Variants in ADGRL3 observed in about 807,000 individuals in gnomAD.
ADGRL3 encodes adhesion G protein-coupled receptor L3, also known as calcium-independent alpha-latrotoxin receptor 3.
In ADGRL3, 62 loss-of-function variants were observed where a neutral mutation model predicts 153.5. The ratio of observed to expected loss-of-function variants is 0.40; its 90% CI spans 0.33 to 0.50. ADGRL3 has a LOEUF of 0.50. Ranked by LOEUF, ADGRL3 falls within the 20% of genes least tolerant of loss-of-function variation. The pLI is 0.47. For synonymous variants in ADGRL3, 710 were observed against 672.5 expected (o/e 1.06, Z -0.86); for missense variants, 1,641 against 1,859.4 (o/e 0.88, Z 2.16).
rs936698992 is a variant in ADGRL3 at position 61,983,728 on chromosome 4, T to C, written c.3236+125T>C. ...TGGGCAGCAAATGTGTATAATTCAA[T>C]CCATGGTTATACTTTGGTTATGATG... On this transcript the variant is annotated intron_variant, in intron 19 of 26. Transcript: ENST00000683033. 9.0e-6 allele frequency: 7 copies of C among 778,860 alleles called. No homozygotes were observed. The African/African-American group carries it at 1.0e-4, about 12-fold the overall frequency. The allele number at this position is 778,860 out of a possible 1,614,324, so 48.2% of individuals were successfully genotyped here.
At chr4:61,775,222 CTT>C (rs200429980) in intron 8 of ADGRL3, among the ~76,000 whole-genome samples, 66 of 138,960 alleles carry the variant, frequency 4.7e-4, no homozygotes, top group Admixed American at 5.8e-4. Flanking sequence ...CCTATGACAG[CTT>C]TTTTTTTTTT....
At chr4:61,532,543 C>T (rs1439618034) in intron 4 of ADGRL3, among the ~76,000 whole-genome samples, 12 of 67,932 alleles carry the variant, frequency 1.8e-4, no homozygotes, top group East Asian at 7.8e-4. Context: ...CGCGCGCGCG[C>T]GCGCGCGCGC....
At chr4:61,854,408 A>G (rs1388481292) in intron 9 of ADGRL3, among the ~76,000 whole-genome samples, 1 of 152,218 alleles carries the variant, frequency 6.6e-6, no homozygotes, top group Non-Finnish European at 1.5e-5. Context: ...ATAATTTGAT[A>G]GGAATATGTC....
intron 2 of ADGRL3, among the ~76,000 whole-genome samples, chr4:61,438,637 G>A (rs2097484619): frequency 6.6e-6 from 1 of 151,368 alleles, no homozygotes; most frequent in South Asian, 2.1e-4. Flanking sequence ...GTTGATAAGT[G>A]TTAAATATTA....
chr4:61,956,324 G>A (rs757298314), intron 17 of ADGRL3, among the ~76,000 whole-genome samples: 3 of 151,844 alleles, frequency 2.0e-5, no homozygotes, highest in Non-Finnish European at 4.4e-5. Flanking sequence ...TTTGTTGGCT[G>A]CGTAAATGTC....
At chr4:61,801,682 GA>G (rs1364959095) in intron 8 of ADGRL3, among the ~76,000 whole-genome samples, 3 of 152,090 alleles carry the variant, frequency 2.0e-5, no homozygotes, top group African/African-American at 7.2e-5. Flanking sequence ...TATACCAAAA[GA>G]GGATATAATA....
At chr4:61,298,798 T>G (rs1314247518) in intron 1 of ADGRL3, among the ~76,000 whole-genome samples, 1 of 152,012 alleles carries the variant, frequency 6.6e-6, no homozygotes, top group Non-Finnish European at 1.5e-5. Flanking sequence ...GTGTTGAAAA[T>G]TAATTGATTA....
intron 1 of ADGRL3, among the ~76,000 whole-genome samples, chr4:61,328,331 A>T (rs1006318429): frequency 6.6e-6 from 1 of 152,148 alleles, no homozygotes; most frequent in Non-Finnish European, 1.5e-5. Flanking sequence ...AAACATTTTG[A>T]CATTTATTTC....
chr4:61,237,071 A>T (rs1226570046), intron 1 of ADGRL3, among the ~76,000 whole-genome samples: 1 of 152,068 alleles, frequency 6.6e-6, no homozygotes, highest in Non-Finnish European at 1.5e-5. Flanking sequence ...ATATTTTTAT[A>T]TTTTACATTA....
rs180774835 is a variant in ADGRL3 at position 61,896,644 on chromosome 4, G to A, written c.1887+810G>A. Among the ~76,000 whole-genome samples the A allele has an allele frequency of 2.4e-3, 366 of 152,194 alleles. 2 individuals are homozygous for A. Among genetic ancestry groups the A allele is most frequent in the African/African-American group, 8.4e-3 (348 of 41,530 alleles). ...ATAATAATCCATAAATATCTACCCA[G>A]TAGATCATTTAGCAGATGAGCCATA... is the stretch of plus-strand genomic sequence containing the variant. On this transcript the variant is annotated intron_variant, in intron 11 of 26. Transcript: ENST00000683033.
In ADGRL3 at chr4:61,282,967, A is replaced by G. The variant is rs201680471; in HGVS notation, c.-240+81202A>G. Among the ~76,000 whole-genome samples, 7 of 152,082 alleles carry G rather than the reference A, an allele frequency of 4.6e-5. No homozygotes were observed. The East Asian group carries it at 1.3e-3, about 29-fold the overall frequency. ...TATCCATTGAAAAACTTCAAATGTGAAGACCCTCCTCTTAATATGACATGT... is the reference window on the plus strand; with the variant it reads ...TATCCATTGAAAAACTTCAAATGTGGAGACCCTCCTCTTAATATGACATGT... On this transcript the variant is annotated intron_variant, in intron 1 of 26. Transcript: ENST00000683033.
intron 17 of ADGRL3, among the ~76,000 whole-genome samples, chr4:61,951,726 G>A (rs181556033): frequency 6.6e-5 from 10 of 152,196 alleles, no homozygotes; most frequent in East Asian, 3.9e-4. Context: ...TTAGCTGGGC[G>A]TGATGGTGCA....
At chr4:61,312,121 T>C (rs1030933697) in intron 1 of ADGRL3, among the ~76,000 whole-genome samples, 2 of 152,122 alleles carry the variant, frequency 1.3e-5, no homozygotes, top group Admixed American at 6.5e-5. Context: ...CCCACAAATA[T>C]AGTCAACTGA....
chr4:61,427,044 C>T (rs2097291401), intron 2 of ADGRL3: 1 of 152,154 alleles, frequency 6.6e-6, no homozygotes, highest in African/African-American at 2.4e-5. Flanking sequence ...TGAGGGCCAC[C>T]ATGGCAGTAG....
chr4:61,658,647 A>G (rs139937246), intron 5 of ADGRL3, among the ~76,000 whole-genome samples: 3 of 152,288 alleles, frequency 2.0e-5, no homozygotes, highest in Middle Eastern at 3.4e-3. Flanking sequence ...TTCTCTTCTC[A>G]GCCTGTGCCT....
intron 1 of ADGRL3, among the ~76,000 whole-genome samples, chr4:61,210,084 G>C (rs766709818): frequency 1.8e-4 from 27 of 152,100 alleles, no homozygotes; most frequent in Non-Finnish European, 3.5e-4. Flanking sequence ...ATGTATTTCA[G>C]TTACAGTGCC....
chr4:61,517,792 A>C (rs957411913), intron 4 of ADGRL3, among the ~76,000 whole-genome samples: 16 of 152,326 alleles, frequency 1.1e-4, no homozygotes, highest in Admixed American at 9.1e-4. Flanking sequence ...TTATCACAGG[A>C]AATTTAAAAT....
intron 4 of ADGRL3, chr4:61,579,698 T>C (rs1397586066): frequency 2.3e-6 from 1 of 425,960 alleles, no homozygotes; most frequent in Non-Finnish European, 4.6e-6. Context: ...AAATTGTATA[T>C]TAAAACATCT....
At chr4:61,409,148 C>T (rs1174835444) in intron 2 of ADGRL3, among the ~76,000 whole-genome samples, 2 of 144,994 alleles carry the variant, frequency 1.4e-5, no homozygotes, top group Non-Finnish European at 3.0e-5. Flanking sequence ...AAGAAAGTCA[C>T]CAAAAAAATC....
Sources: gnomAD v4.1 joint callset for allele counts (sites outside exome capture counted in the v4.1 genomes callset) on GRCh38, gnomAD v4.1.1 for gene constraint, MANE v1.5 for transcripts, NCBI Gene and HGNC (gene_info 2026-07-23, HGNC 2026-07-21) for gene names.